Variants in CSMD1 observed in about 807,000 individuals in gnomAD.
The protein encoded by CSMD1 is CUB and Sushi multiple domains 1.
CSMD1 carries 213 observed loss-of-function variants against 417.5 expected under a neutral mutation model. The ratio of observed to expected loss-of-function variants is 0.51; its 90% CI spans 0.46 to 0.57. The LOEUF is 0.57. Among genes scored for constraint, CSMD1 ranks in the 20% least tolerant of loss-of-function variants. The pLI is 0.00. For synonymous variants in CSMD1, 2,862 were observed against 1,736.8 expected, an observed-to-expected ratio of 1.65 and a Z score of -16.11; for missense variants, 6,923 against 4,529.7, an observed-to-expected ratio of 1.53 and a Z score of -15.17.
At chr8:3,552,789 G>A (rs144797808) in intron 10 of CSMD1, among the ~76,000 whole-genome samples, 1,702 of 152,140 alleles carry the variant, frequency 0.011, 28 homozygotes, top group African/African-American at 0.039. Flanking sequence ...TTTTAATACA[G>A]AAGACTAAGA....
chr8:4,435,523 C>G (rs1303023446), intron 2 of CSMD1, among the ~76,000 whole-genome samples: 1 of 152,200 alleles, frequency 6.6e-6, no homozygotes, highest in African/African-American at 2.4e-5. Flanking sequence ...GAAACCTTAA[C>G]TGCCTGCCTC....
chr8:3,535,411 G>T (rs1277528807), intron 10 of CSMD1, among the ~76,000 whole-genome samples: 1 of 152,162 alleles, frequency 6.6e-6, no homozygotes, highest in Non-Finnish European at 1.5e-5. Context: ...CCTGCAGCCT[G>T]ACCTCAAGGG....
intron 10 of CSMD1, among the ~76,000 whole-genome samples, chr8:3,540,969 G>A (rs886358292): frequency 6.6e-6 from 1 of 152,186 alleles, no homozygotes; most frequent in Admixed American, 6.5e-5. Flanking sequence ...AGGACAGTGT[G>A]GTGATTCCTC....
At chr8:4,071,654 G>T (rs1431589313) in intron 3 of CSMD1, among the ~76,000 whole-genome samples, 1 of 152,166 alleles carries the variant, frequency 6.6e-6, no homozygotes, top group East Asian at 1.9e-4. Context: ...AATATGTGGA[G>T]TGATTAGTTG....
chr8:3,879,458 T>G (rs1179409442), intron 5 of CSMD1, among the ~76,000 whole-genome samples: 1 of 152,154 alleles, frequency 6.6e-6, no homozygotes, highest in African/African-American at 2.4e-5. Context: ...TGTCCCAGGT[T>G]TTTGCTTCTC....
intron 1 of CSMD1, among the ~76,000 whole-genome samples, chr8:4,704,460 T>G (rs917833947): frequency 1.2e-4 from 18 of 152,316 alleles, no homozygotes; most frequent in African/African-American, 4.3e-4. Flanking sequence ...TTTGCTTGAC[T>G]GAAATTCAAT....
intron 5 of CSMD1, among the ~76,000 whole-genome samples, chr8:3,890,740 C>G (rs1176574101): frequency 6.6e-6 from 1 of 152,172 alleles, no homozygotes; most frequent in Non-Finnish European, 1.5e-5. Context: ...TGCAAGTTAG[C>G]ATGTGGCTCT....
chr8:3,040,757 C>T (rs910186473), intron 50 of CSMD1, among the ~76,000 whole-genome samples: 1 of 152,044 alleles, frequency 6.6e-6, no homozygotes, highest in Non-Finnish European at 1.5e-5. Flanking sequence ...GAGTTGAGAT[C>T]GTGCCACTGC....
At chr8:4,345,098 G>A (rs1308148437) in intron 3 of CSMD1, among the ~76,000 whole-genome samples, 1 of 152,152 alleles carries the variant, frequency 6.6e-6, no homozygotes, top group Non-Finnish European at 1.5e-5. Flanking sequence ...GAGAAATGAT[G>A]GGGCAGCCAA....
Position 4,402,800 on chromosome 8 carries a change from C to CTTTTTT in CSMD1, c.415+17147_415+17152dup, listed in dbSNP as rs60965667. On this transcript the variant is annotated intron_variant, in intron 3 of 69. Transcript: ENST00000635120. ...GTGAGTATAATGTCCTCACTTTTTT[C>CTTTTTT]TTTTTTTTTTTTTTTTTTTTCTTTT... 4.3e-3 allele frequency among the ~76,000 whole-genome samples: 384 copies of CTTTTTT among 89,284 alleles called. 4 individuals carry two copies. The highest frequency in any genetic ancestry group is 4.8e-3 in the South Asian group (13 of 2,730). 58.6% of individuals were successfully genotyped at this position (89,284 alleles called of 152,430 possible).
In CSMD1 at chr8:4,526,181, G is replaced by C. The variant is rs1032991271; in HGVS notation, c.303-106116C>G. Reference sequence around the variant, plus strand: ...GAGAACCAACATTTGTGATTTTTGAGTAGAAACTTTGTAGTTCACAGTATT... The same window carrying C: ...GAGAACCAACATTTGTGATTTTTGACTAGAAACTTTGTAGTTCACAGTATT... On this transcript the variant is annotated intron_variant, in intron 2 of 69. Coordinates refer to ENST00000635120, the MANE Select transcript of CSMD1 (RefSeq NM_033225.6). Among the ~76,000 whole-genome samples the C allele has an allele frequency of 3.9e-5, 6 of 152,322 alleles. No homozygotes were observed. The East Asian group carries it at 9.6e-4, about 24-fold the overall frequency.
chr8:2,986,357 G>C (rs1291689985), intron 54 of CSMD1, among the ~76,000 whole-genome samples: 1 of 152,114 alleles, frequency 6.6e-6, no homozygotes, highest in African/African-American at 2.4e-5. Context: ...CTCCCAGGAA[G>C]TCGAGCATGA....
intron 12 of CSMD1, among the ~76,000 whole-genome samples, chr8:3,433,985 T>C (rs1304618358): frequency 1.3e-5 from 2 of 152,156 alleles, no homozygotes; most frequent in Non-Finnish European, 2.9e-5. Flanking sequence ...CGATTTCCTT[T>C]TAGGTGGCAA....
At chr8:4,244,027 T>G (rs759556643) in intron 3 of CSMD1, among the ~76,000 whole-genome samples, 1 of 152,212 alleles carries the variant, frequency 6.6e-6, no homozygotes, top group African/African-American at 2.4e-5. Context: ...CATTTTAACC[T>G]GGCTGCAGGC....
intron 5 of CSMD1, among the ~76,000 whole-genome samples, chr8:3,803,654 T>C (rs896128889): frequency 1.5e-4 from 23 of 152,234 alleles, no homozygotes; most frequent in African/African-American, 4.3e-4. Context: ...GGAGGGTTCA[T>C]AGAGGCCAGA....
chr8:3,021,043 A>G (rs1408538401), intron 51 of CSMD1, among the ~76,000 whole-genome samples: 1 of 152,232 alleles, frequency 6.6e-6, no homozygotes, highest in Non-Finnish European at 1.5e-5. Flanking sequence ...ATTTAAGATA[A>G]TTGGATCTTG....
intron 2 of CSMD1, among the ~76,000 whole-genome samples, chr8:4,491,024 C>G (rs1801671397): frequency 6.6e-6 from 1 of 152,124 alleles, no homozygotes; most frequent in South Asian, 2.1e-4. Context: ...GACATGTAGG[C>G]AGCTCCTATG....
At chr8:4,754,729 G>A (rs999530666) in intron 1 of CSMD1, among the ~76,000 whole-genome samples, 1 of 151,930 alleles carries the variant, frequency 6.6e-6, no homozygotes, top group African/African-American at 2.4e-5. Flanking sequence ...GGCGCCTGTA[G>A]TCCCAGCTAC....
chr8:3,005,807 C>A (rs374496596), intron 52 of CSMD1, among the ~76,000 whole-genome samples: 1 of 151,946 alleles, frequency 6.6e-6, no homozygotes, highest in South Asian at 2.1e-4. Flanking sequence ...AAACCCACAG[C>A]CAATATCATA....
Sources: gnomAD v4.1 joint callset for allele counts (sites outside exome capture counted in the v4.1 genomes callset) on GRCh38, gnomAD v4.1.1 for gene constraint, MANE v1.5 for transcripts, NCBI Gene and HGNC (gene_info 2026-07-23, HGNC 2026-07-21) for gene names.